The following ANKRD13D variants were observed in gnomAD, a reference collection of about 807,000 sequenced individuals.
The protein encoded by ANKRD13D is ankyrin repeat domain 13D, also known as ankyrin repeat domain-containing protein 13D.
ANKRD13D carries 24 observed loss-of-function variants against 68.8 expected under a neutral mutation model. That is an observed-to-expected ratio of 0.35 (90% CI 0.25 to 0.49). ANKRD13D has a LOEUF of 0.49. ANKRD13D is among the 20% of genes least tolerant of loss of function. ANKRD13D has a pLI of 0.99. For missense variants in ANKRD13D, 735 were observed against 832.1 expected, an observed-to-expected ratio of 0.88 and a Z score of 1.44; for synonymous variants, 331 against 336.1, an observed-to-expected ratio of 0.98 and a Z score of 0.16.
chr11:67,290,621 C>T (rs768849821), intron 3 of ANKRD13D, 175 bp downstream of exon 3: 15 of 1,050,210 alleles, frequency 1.4e-5, no homozygotes, highest in Admixed American at 2.9e-5. Context: ...GAGAGACGGC[C>T]AGGCTCACGT....
At position 67,302,342 on chromosome 11, in the gene ANKRD13D, C is replaced by T. The variant is rs1240725040; in HGVS notation, c.*10C>T. The stretch of plus-strand genomic sequence containing the variant: ...ACTCACTGAGCACTGAGCCATAGCC[C>T]CGGGAGGGCTGGCCAGGCCACTCCC... On this transcript the variant is annotated 3_prime_UTR_variant, in exon 15 of 15. Transcript: ENST00000511455. The T allele has an allele frequency of 2.7e-6, 4 of 1,494,964 alleles. No homozygotes were observed. The highest frequency in any genetic ancestry group is 1.3e-5 in the South Asian group (1 of 78,140). The allele number at this position is 1,494,964 out of a possible 1,614,324, so 92.6% of individuals were successfully genotyped here. A position where few individuals can be genotyped will look rare whatever the true frequency, so the allele number is the denominator to read the frequency against.
In ANKRD13D at chr11:67,302,114, G is replaced by A; in HGVS notation, c.1605-5G>A. On this transcript the variant is annotated splice_polypyrimidine_tract_variant and splice_region_variant and intron_variant, in intron 14 of 14. Transcript: ENST00000511455. ...TGTTCTTCCCTCCCCTGCCCTGCCT[G>A]GAAGGGCCCTCCAGGAAAGCCTGCA... 6.4e-7 allele frequency: 1 copy of A among 1,559,526 alleles called. No individual in the cohort carries two copies. The highest frequency in any genetic ancestry group is 8.7e-7 in the Non-Finnish European group (1 of 1,151,420).
chr11:67,301,454 C>T lies in ANKRD13D; in HGVS notation c.1349-34C>T, dbSNP rs1233233565. On this transcript the variant is annotated intron_variant, in intron 12 of 14. Coordinates refer to ENST00000511455, the MANE Select transcript of ANKRD13D (RefSeq NM_207354.3). The surrounding 1 kb of genome is among the most constrained non-coding windows in gnomAD (Gnocchi z 4.5). ...ACAGCTTTCTGGTCACCAAGCCCCG[C>T]GGGTTGAGCGTGGCCCCTCTGCCAC... The T allele has an allele frequency of 1.2e-5, 20 of 1,607,928 alleles. No homozygotes were observed. The highest frequency in any genetic ancestry group is 2.2e-5 in the East Asian group (1 of 44,756).
At chr11:67,294,548 T>G (rs904166159) in intron 6 of ANKRD13D, among the ~76,000 whole-genome samples, 46 of 147,004 alleles carry the variant, frequency 3.1e-4, no homozygotes, top group African/African-American at 8.2e-4. Flanking sequence ...TGTTTTTTTG[T>G]TTTTTTTTTT....
chr11:67,290,811 T>C, intron 3 of ANKRD13D: 2 of 226,558 alleles, frequency 8.8e-6, no homozygotes, highest in Admixed American at 9.9e-5. Flanking sequence ...CAGAGCATAC[T>C]ATCTCATACC....
In ANKRD13D at chr11:67,290,400, C is replaced by T. The variant is rs767575142; in HGVS notation, c.305C>T (p.Thr102Met). The T allele has an allele frequency of 2.5e-6, 4 of 1,594,004 alleles. No homozygotes were observed. Among genetic ancestry groups the T allele is most frequent in the Middle Eastern group, 2.1e-4 (1 of 4,808 alleles). ...VLQYRDYQRA[T>M]QRLAGIPELL... ...CAGTATCGGGACTACCAGAGGGCCACGCAGAGGCTGGCGGGCATTCCGGAA... is the reference window on the plus strand; with the variant it reads ...CAGTATCGGGACTACCAGAGGGCCATGCAGAGGCTGGCGGGCATTCCGGAA... The change falls in exon 3 of 15, where the codon ACG becomes ATG. Residue 102 changes from threonine to methionine, a missense_variant. By Grantham distance (81) the Thr-to-Met change is moderately conservative. Transcript: ENST00000511455.
In ANKRD13D at chr11:67,300,114, A is replaced by G. The variant is rs1860921601; in HGVS notation, c.1064A>G (p.Lys355Arg). The G allele has an allele frequency of 1.2e-6, 2 of 1,613,948 alleles. No homozygotes were observed. The highest frequency in any genetic ancestry group is 1.7e-6 in the Non-Finnish European group (2 of 1,179,930). ...GGCCGCCCCATCGAGATGTCCAGCA[A>G]AGTACAGAGGTGAGGTCTGAGAGCT... The part of the protein sequence containing the change: ...NIGRPIEMSS[K>R]VQRFKATLWL... Residue 355 changes from lysine (K) to arginine (R), a missense_variant, in exon 10 of 15, where the codon AAA becomes AGA. Lys to Arg is a conservative substitution (Grantham distance 26). Transcript: ENST00000511455. This position sits in a 1 kb window ranked among gnomAD's most constrained non-coding sequence, Gnocchi z 4.3.
chr11:67,289,515 C>T lies in ANKRD13D; in HGVS notation c.55C>T (p.His19Tyr), dbSNP rs1472227883. The change falls in exon 1 of 15, where the codon CAT becomes TAT. Residue 19 changes from histidine to tyrosine, a missense_variant. Physicochemically the swap from His to Tyr is moderately conservative, Grantham distance 83. Coordinates refer to ENST00000511455, the MANE Select transcript of ANKRD13D (RefSeq NM_207354.3). ...PLHRLVWANR[H>Y]RELEAALHSH... ...GCACCGGCTCGTCTGGGCGAACCGG[C>T]ATCGCGAACTGGAGGCCGCACTGCA... The T allele has an allele frequency of 9.9e-6, 15 of 1,522,382 alleles. No homozygotes were observed. Among genetic ancestry groups the T allele is most frequent in the East Asian group, 2.6e-5 (1 of 39,174 alleles). 94.3% of individuals were successfully genotyped at this position (1,522,382 alleles called of 1,614,324 possible).
At chr11:67,289,621 GCCCCCCCC>G (rs368498130) in intron 1 of ANKRD13D, 71 bp downstream of exon 1, 2 of 808,134 alleles carry the variant, frequency 2.5e-6, no homozygotes, top group Admixed American at 6.0e-5. Flanking sequence ...CCGTCCTGGA[GCCCCCCCC>G]CCCCCCCCGC....
Position 67,301,782 on chromosome 11 carries a change from TC to T in ANKRD13D, c.1567del (p.Gln523ArgfsTer86). The T allele has an allele frequency of 6.2e-7, 1 of 1,609,080 alleles. No individual in the cohort carries two copies. On this transcript the variant is annotated frameshift_variant, in exon 14 of 15. Coordinates refer to ENST00000511455, the MANE Select transcript of ANKRD13D (RefSeq NM_207354.3). LOFTEE classifies it low-confidence loss of function (END_TRUNC). The surrounding 1 kb of genome is among the most constrained non-coding windows in gnomAD (Gnocchi z 4.5). ...TNTRPGARPP[P>X]QATVYEEQLQ... Reference sequence around the variant, plus strand: ...ACACCCGGCCCGGTGCCCGCCCTCCTCCCCAGGCCACGGTTTATGAGGAACA... The same window carrying T: ...ACACCCGGCCCGGTGCCCGCCCTCCTCCCAGGCCACGGTTTATGAGGAACA...
At chr11:67,291,801 TG>T in intron 5 of ANKRD13D, 55 bp downstream of exon 5, 1 of 1,598,534 alleles carries the variant, frequency 6.3e-7, no homozygotes, top group Non-Finnish European at 8.5e-7. Flanking sequence ...TCCTGCGGCT[TG>T]GGAGGACGGT....
intron 1 of ANKRD13D, chr11:67,289,827 A>G (rs1336958959): frequency 7.0e-7 from 1 of 1,422,796 alleles, no homozygotes; most frequent in Non-Finnish European, 9.2e-7. Context: ...CCTGGTCCCC[A>G]GGTTCCGCCA....
chr11:67,299,795 ACC>A lies in ANKRD13D; in HGVS notation c.881-29_881-28del, dbSNP rs764699545. ...GGGCAGGGGCGATGCGAGCATTGTG[ACC>A]CCTTACCAGCTCCCACCCCTTCTCC... On this transcript the variant is annotated intron_variant, in intron 8 of 14. Coordinates refer to ENST00000511455, the MANE Select transcript of ANKRD13D (RefSeq NM_207354.3). The surrounding 1 kb of genome is among the most constrained non-coding windows in gnomAD (Gnocchi z 6.2). 2 of 1,530,836 alleles carry A rather than the reference ACC, an allele frequency of 1.3e-6. No homozygotes were observed. The allele number at this position is 1,530,836 out of a possible 1,614,324, so 94.8% of individuals were successfully genotyped here. A position where few individuals can be genotyped will look rare whatever the true frequency, so the allele number is the denominator to read the frequency against.
At position 67,302,272 on chromosome 11, in the gene ANKRD13D, C is replaced by A; in HGVS notation, c.1758C>A (p.Arg586=). The stretch of plus-strand genomic sequence containing the variant: ...GGGAGCAGGAGGAGCGGGAGCGGCG[C>A]GGGCAGCAGGAGGAGGAGGACTTAC... The part of the protein sequence containing the change: ...SSREQEERER[R]GQQEEEDLQR... The change falls in exon 15 of 15, where the codon CGC becomes CGA. Residue 586 remains arginine (R), a synonymous_variant. Transcript: ENST00000511455. 6.4e-7 allele frequency: 1 copy of A among 1,568,224 alleles called. No homozygotes were observed.
chr11:67,291,248 T>C, intron 3 of ANKRD13D: 2 of 537,156 alleles, frequency 3.7e-6, no homozygotes, highest in South Asian at 4.6e-5. Context: ...TCCCAGCTAC[T>C]CGGGAGGCTG....
Position 67,301,246 on chromosome 11 carries a change from C to T in ANKRD13D, c.1232-36C>T. The T allele has an allele frequency of 6.3e-7, 1 of 1,597,966 alleles. No homozygotes were observed. The highest frequency in any genetic ancestry group is 8.5e-7 in the Non-Finnish European group (1 of 1,170,706). Reference sequence around the variant, plus strand: ...GCAGGGGCCGGAGGCACAGGTGGCTCTCCGCCAGGGCTCAGGCGTGGCTGT... The same window carrying T: ...GCAGGGGCCGGAGGCACAGGTGGCTTTCCGCCAGGGCTCAGGCGTGGCTGT... On this transcript the variant is annotated intron_variant, in intron 11 of 14. Transcript: ENST00000511455. The surrounding 1 kb of genome is among the most constrained non-coding windows in gnomAD (Gnocchi z 4.5).
At position 67,302,233 on chromosome 11, in the gene ANKRD13D, G is replaced by T; in HGVS notation, c.1719G>T (p.Leu573=). ...PSFEEQLRLA[L]ELSSREQEER... ...TTGAAGAGCAGCTGCGCCTGGCCCT[G>T]GAGTTGTCTTCACGGGAGCAGGAGG... is the stretch of plus-strand genomic sequence containing the variant. Residue 573 remains leucine, a synonymous_variant, in exon 15 of 15, where the codon CTG becomes CTT. Coordinates refer to ENST00000511455, the MANE Select transcript of ANKRD13D (RefSeq NM_207354.3). The T allele has an allele frequency of 6.3e-7, 1 of 1,577,734 alleles. No individual in the cohort carries two copies. The highest frequency in any genetic ancestry group is 1.3e-5 in the African/African-American group (1 of 74,300).
Position 67,299,105 on chromosome 11 carries a change from T to C in ANKRD13D, c.779T>C (p.Val260Ala). The C allele has an allele frequency of 6.2e-7, 1 of 1,613,102 alleles. No homozygotes were observed. The highest frequency in any genetic ancestry group is 8.5e-7 in the Non-Finnish European group (1 of 1,179,750). ...TGGCGGTCTGAGAAGATGGAAACTG[T>C]TAGCGGCTACGAGGCCAAGGCAGGA... is the stretch of plus-strand genomic sequence containing the variant. The part of the protein sequence containing the change: ...WGWRSEKMET[V>A]SGYEAKVYSA... The change falls in exon 7 of 15, where the codon GTT becomes GCT. Residue 260 changes from valine (V) to alanine (A), a missense_variant. Transcript: ENST00000511455. The surrounding 1 kb of genome is among the most constrained non-coding windows in gnomAD (Gnocchi z 6.2).
chr11:67,302,345 G>A lies in ANKRD13D; in HGVS notation c.*13G>A. Reference sequence around the variant, plus strand: ...CACTGAGCACTGAGCCATAGCCCCGGGAGGGCTGGCCAGGCCACTCCCTGC... The same window carrying A: ...CACTGAGCACTGAGCCATAGCCCCGAGAGGGCTGGCCAGGCCACTCCCTGC... On this transcript the variant is annotated 3_prime_UTR_variant, in exon 15 of 15. Coordinates refer to ENST00000511455, the MANE Select transcript of ANKRD13D (RefSeq NM_207354.3). The A allele has an allele frequency of 6.7e-7, 1 of 1,494,140 alleles. No individual in the cohort carries two copies. The highest frequency in any genetic ancestry group is 9.0e-7 in the Non-Finnish European group (1 of 1,112,414). The allele number at this position is 1,494,140 out of a possible 1,614,324, so 92.6% of individuals were successfully genotyped here.
Sources: allele counts gnomAD v4.1 joint callset (sites outside exome capture counted in the v4.1 genomes callset), GRCh38; gene constraint gnomAD v4.1.1; non-coding constraint Gnocchi (gnomAD v3.1); transcripts MANE v1.5; gene names NCBI Gene and HGNC (gene_info 2026-07-23, HGNC 2026-07-21).